Variants in SGCD observed in about 807,000 individuals in gnomAD.
SGCD encodes the protein sarcoglycan delta.
A neutral mutation model predicts 36.6 loss-of-function variants in SGCD; 18 were observed. That is an observed-to-expected ratio of 0.49 (90% confidence interval 0.34 to 0.73). SGCD has a LOEUF of 0.73. SGCD is among the 30% of genes least tolerant of loss of function. The pLI is 0.01. For missense variants in SGCD, 387 were observed against 346.7 expected (o/e 1.12, Z -0.92); for synonymous variants, 133 against 130.6 (o/e 1.02, Z -0.12).
intron 3 of SGCD, among the ~76,000 whole-genome samples, chr5:156,441,007 G>A (rs1753466985): frequency 1.3e-5 from 2 of 152,096 alleles, no homozygotes; most frequent in African/African-American, 4.8e-5. Context: ...TGCTTTTGGT[G>A]TCATATCTAA....
intron 3 of SGCD, among the ~76,000 whole-genome samples, chr5:156,193,734 T>C (rs1424685702): frequency 2.6e-5 from 4 of 152,182 alleles, no homozygotes; most frequent in Non-Finnish European, 5.9e-5. Flanking sequence ...GTCTTTGATT[T>C]GAACAACTAA....
At chr5:156,517,394 TGGAAC>T (rs1757222094) in intron 4 of SGCD, among the ~76,000 whole-genome samples, 1 of 152,072 alleles carries the variant, frequency 6.6e-6, no homozygotes, top group Non-Finnish European at 1.5e-5. Flanking sequence ...ACAGGGAGAA[TGGAAC>T]CAAGTTGGAA....
Position 155,940,694 on chromosome 5 carries a change from A to T in SGCD, c.-282+70270A>T, listed in dbSNP as rs151176635. On this transcript the variant is annotated intron_variant, in intron 1 of 9. Transcript: ENST00000517913. The stretch of plus-strand genomic sequence containing the variant: ...CCCGTCTCTACTAAAAATTCAAAAA[A>T]ATTAGCCAGGTGTGGTGGCACATGC... Among the ~76,000 whole-genome samples, 966 of 152,186 alleles carry T rather than the reference A, an allele frequency of 6.3e-3. 9 individuals carry two copies. The highest frequency in any genetic ancestry group is 0.022 in the African/African-American group (932 of 41,514).
At chr5:156,563,678 C>A (rs1044988129) in intron 4 of SGCD, among the ~76,000 whole-genome samples, 1 of 151,368 alleles carries the variant, frequency 6.6e-6, no homozygotes, top group Non-Finnish European at 1.5e-5. Context: ...CATTGCTTAA[C>A]GGAAGCTGTT....
At chr5:156,562,858 A>G (rs1289891934) in intron 4 of SGCD, among the ~76,000 whole-genome samples, 1 of 151,324 alleles carries the variant, frequency 6.6e-6, no homozygotes, top group Non-Finnish European at 1.5e-5. Flanking sequence ...ATACTTAAAT[A>G]TAACTTAAAT....
intron 3 of SGCD, among the ~76,000 whole-genome samples, chr5:156,358,094 A>G (rs2127727995): frequency 6.6e-6 from 1 of 152,302 alleles, no homozygotes; most frequent in South Asian, 2.1e-4. Context: ...CATGTTAAGT[A>G]ACCATGTTTT....
intron 3 of SGCD, among the ~76,000 whole-genome samples, chr5:156,318,521 T>C (rs146864127): frequency 7.2e-5 from 11 of 152,140 alleles, no homozygotes; most frequent in African/African-American, 2.7e-4. Context: ...AAGACTCCTT[T>C]ATTCAGTGCT....
intron 1 of SGCD, among the ~76,000 whole-genome samples, chr5:155,994,920 T>C (rs569825153): frequency 6.6e-6 from 1 of 152,266 alleles, no homozygotes; most frequent in African/African-American, 2.4e-5. Flanking sequence ...CATTCATGGA[T>C]AGGCATAGAG....
the SGCD span, among the ~76,000 whole-genome samples, chr5:155,827,541 G>T: frequency 2.0e-5 from 3 of 151,764 alleles, no homozygotes; most frequent in East Asian, 5.8e-4. Flanking sequence ...TTTTCTGTTT[G>T]TTTTTCTCTT....
intron 1 of SGCD, among the ~76,000 whole-genome samples, chr5:156,021,501 C>G (rs1248381514): frequency 6.6e-6 from 1 of 152,092 alleles, no homozygotes; most frequent in Non-Finnish European, 1.5e-5. Context: ...GCCTGAGCAA[C>G]AGAGTTAGAG....
chr5:156,591,680 TAC>T (rs1253878186), intron 5 of SGCD, among the ~76,000 whole-genome samples: 1 of 152,222 alleles, frequency 6.6e-6, no homozygotes, highest in Non-Finnish European at 1.5e-5. Flanking sequence ...ACACATAGAC[TAC>T]ACAGAGGGGG....
chr5:156,276,632 C>T (rs1766324384), intron 3 of SGCD, among the ~76,000 whole-genome samples: 1 of 152,110 alleles, frequency 6.6e-6, no homozygotes, highest in African/African-American at 2.4e-5. Context: ...ATTTATTCTT[C>T]ATGCATTCAA....
chr5:156,096,806 TACTTCCTCA>T (rs1468595335), intron 1 of SGCD, among the ~76,000 whole-genome samples: 2 of 152,260 alleles, frequency 1.3e-5, no homozygotes, highest in Admixed American at 1.3e-4. Context: ...TGCTTGGTTA[TACTTCCTCA>T]AATTCCAAGA....
chr5:155,960,857 A>G (rs1169314666), intron 1 of SGCD, among the ~76,000 whole-genome samples: 1 of 152,062 alleles, frequency 6.6e-6, no homozygotes, highest in Admixed American at 6.6e-5. Context: ...AAACTGACAC[A>G]CACATAATAA....
intron 3 of SGCD, among the ~76,000 whole-genome samples, chr5:156,423,342 A>AT (rs1773484176): frequency 5.6e-5 from 1 of 18,004 alleles, no homozygotes; most frequent in South Asian, 2.9e-3. Context: ...ATAATATAAT[A>AT]TATTATAATT....
chr5:155,881,964 C>T (rs1376904531), intron 1 of SGCD, among the ~76,000 whole-genome samples: 3 of 152,148 alleles, frequency 2.0e-5, no homozygotes, highest in Admixed American at 2.0e-4. Context: ...AATTCTCTTG[C>T]TGTTGCTACC....
intron 1 of SGCD, among the ~76,000 whole-genome samples, chr5:155,901,249 T>C (rs1362568950): frequency 6.6e-6 from 1 of 151,058 alleles, no homozygotes; most frequent in African/African-American, 2.4e-5. Flanking sequence ...GAGGCGGAGG[T>C]TGCAGTGAGC....
intron 3 of SGCD, among the ~76,000 whole-genome samples, chr5:156,403,797 G>T (rs1324668945): frequency 6.6e-6 from 1 of 151,948 alleles, no homozygotes; most frequent in Admixed American, 6.6e-5. Flanking sequence ...AGATAGAAAA[G>T]AACTTGGGAG....
At chr5:156,203,332 A>T (rs1046500222) in intron 3 of SGCD, among the ~76,000 whole-genome samples, 2 of 152,138 alleles carry the variant, frequency 1.3e-5, no homozygotes, top group African/African-American at 4.8e-5. Context: ...GAAGACCACA[A>T]CATAACAGTA....
Sources: allele counts gnomAD v4.1 joint callset (sites outside exome capture counted in the v4.1 genomes callset), GRCh38; gene constraint gnomAD v4.1.1; transcripts MANE v1.5; gene names NCBI Gene and HGNC (gene_info 2026-07-23, HGNC 2026-07-21).